CFAP74: variants seen among roughly 807,000 people sequenced by gnomAD.
The protein encoded by CFAP74 is cilia- and flagella-associated protein 74.
Under a neutral mutation model 188.9 loss-of-function variants are expected in CFAP74, and 124 were observed. The observed-to-expected ratio is 0.66, with a 90% CI of 0.57 to 0.76. The LOEUF (loss-of-function observed/expected upper bound fraction) is 0.76, where lower values mean the gene tolerates loss of function less well. Ranked by LOEUF, CFAP74 falls within the 30% of genes least tolerant of loss-of-function variation. CFAP74 has a pLI of 0.00. For missense variants in CFAP74, 2,198 were observed against 2,165.2 expected (o/e 1.02, Z -0.30); for synonymous variants, 956 against 916.7 (o/e 1.04, Z -0.77).
Position 1,940,416 on chromosome 1 carries a change from G to C in CFAP74, c.2616-13C>G. On this transcript the variant is annotated splice_polypyrimidine_tract_variant and intron_variant, in intron 22 of 38. Transcript: ENST00000682832. The stretch of plus-strand genomic sequence containing the variant: ...CGGGAGGGAGTGTCTGAAAGAGGCA[G>C]ACAAGGCGAATGTGCTTTCCTCTTT... 6.6e-7 allele frequency: 1 copy of C among 1,507,118 alleles called. No individual in the cohort carries two copies. The highest frequency in any genetic ancestry group is 8.9e-7 in the Non-Finnish European group (1 of 1,129,196). The allele number at this position is 1,507,118 out of a possible 1,614,324, so 93.4% of individuals were successfully genotyped here.
At chr1:1,936,342 G>A (rs948363264) in intron 25 of CFAP74, among the ~76,000 whole-genome samples, 1 of 150,036 alleles carries the variant, frequency 6.7e-6, no homozygotes, top group African/African-American at 2.5e-5. Context: ...TCAAGAGATC[G>A]AGACCATCCT....
chr1:1,955,318 C>G (rs1380607580), intron 18 of CFAP74: 1 of 1,289,378 alleles, frequency 7.8e-7, no homozygotes, highest in South Asian at 1.2e-5. Flanking sequence ...CCTCTCCCCG[C>G]TGGTGCGCGT....
intron 15 of CFAP74, 23 bp from the exon 16 acceptor site, chr1:1,959,232 C>T (rs557328424): frequency 1.4e-6 from 2 of 1,467,404 alleles, no homozygotes; most frequent in Non-Finnish European, 9.5e-7. Flanking sequence ...ACAACCCCCA[C>T]CACAATACAC....
At position 1,988,567 on chromosome 1, in the gene CFAP74, G is replaced by C. The variant is rs4492554; in HGVS notation, c.241C>G (p.Leu81Val). ...TCATGCATCTTATCCAGGGCGCTCA[G>C]GTTCTGCCGCAGGTGAAATGCCTGC... ...RTQAFHLRQN[L>V]SALDKMHEEQ... The change falls in exon 4 of 39, where the codon CTG (leucine) becomes GTG (valine). Residue 81 changes from leucine (L) to valine (V), a missense_variant. Physicochemically the swap from Leu to Val is conservative, Grantham distance 32 (BLOSUM62 1). Transcript: ENST00000682832. 6.2e-7 allele frequency: 1 copy of C among 1,613,352 alleles called. No individual in the cohort carries two copies. The highest frequency in any genetic ancestry group is 1.3e-5 in the African/African-American group (1 of 74,930).
chr1:1,957,845 C>T (rs756108630), intron 16 of CFAP74, among the ~76,000 whole-genome samples: 7 of 152,156 alleles, frequency 4.6e-5, no homozygotes, highest in Non-Finnish European at 5.9e-5. Context: ...ACCAAGAGCC[C>T]GCACAGCCGA....
In CFAP74 at chr1:1,928,831, G is replaced by A. The variant is rs562881391; in HGVS notation, c.3340C>T (p.Arg1114Cys). ...TTCAGGAGTGGGAGGGCTTCCTGGCGGATCAGCTTCTCGGGCAGCACTGGC... is the reference window on the plus strand; with the variant it reads ...TTCAGGAGTGGGAGGGCTTCCTGGCAGATCAGCTTCTCGGGCAGCACTGGC... ...FRPVLPEKLI[R>C]QEALPLLNKE... is the part of the protein sequence containing the mutation. Residue 1114 changes from arginine to cysteine, a missense_variant, in exon 27 of 39, where the codon CGC becomes TGC. By Grantham distance (180) the Arg-to-Cys change is radical (BLOSUM62 -3). Coordinates refer to ENST00000682832, the MANE Select transcript of CFAP74 (RefSeq NM_001304360.2). The A allele has an allele frequency of 3.7e-5, 57 of 1,535,692 alleles. No homozygotes were observed. In the East Asian group the frequency reaches 7.3e-4, roughly 20 times the overall value.
intron 20 of CFAP74, among the ~76,000 whole-genome samples, chr1:1,945,408 G>T (rs1653682667): frequency 6.6e-6 from 1 of 152,198 alleles, no homozygotes; most frequent in African/African-American, 2.4e-5. Flanking sequence ...TACTGTCCTG[G>T]TGCTGTGAGG....
At chr1:1,971,006 C>G (rs28403174) in intron 9 of CFAP74, among the ~76,000 whole-genome samples, 190 bp from the exon 10 acceptor site, 3 of 144,628 alleles carry the variant, frequency 2.1e-5, no homozygotes, top group East Asian at 2.1e-4. Flanking sequence ...ACACGCACAC[C>G]TGCACATGCA....
intron 20 of CFAP74, 32 bp from the exon 21 acceptor site, chr1:1,944,484 A>G: frequency 2.6e-6 from 4 of 1,532,986 alleles, no homozygotes; most frequent in Non-Finnish European, 3.5e-6. Flanking sequence ...CAGCAACAGG[A>G]GTTCCTTGGG....
chr1:1,946,932 G>T, intron 19 of CFAP74, 58 bp downstream of exon 19: 1 of 1,345,342 alleles, frequency 7.4e-7, no homozygotes, highest in Non-Finnish European at 1.0e-6. Context: ...CTGGGGCTGG[G>T]GGAAGGTGGG....
At chr1:1,937,803 C>G (rs1402196228) in intron 25 of CFAP74, among the ~76,000 whole-genome samples, 1 of 146,414 alleles carries the variant, frequency 6.8e-6, no homozygotes, top group African/African-American at 2.5e-5. Context: ...CAGAGACTGG[C>G]TGGTCGCACA....
At chr1:1,985,524 C>T (rs1458679345) in intron 5 of CFAP74, 34 bp from the exon 6 acceptor site, 11 of 1,558,956 alleles carry the variant, frequency 7.1e-6, no homozygotes, top group Non-Finnish European at 9.7e-6. Context: ...GGGCGTGTGT[C>T]AGGCCTCAGT....
chr1:1,959,770 C>T (rs145473071), intron 15 of CFAP74, among the ~76,000 whole-genome samples, 194 bp downstream of exon 15: 52 of 152,340 alleles, frequency 3.4e-4, no homozygotes, highest in East Asian at 1.9e-3. Context: ...GGAGCTGCGC[C>T]GCGGTTCTGC....
rs1475862923 is a variant in CFAP74, at chr1:1,941,907, T to C, written c.2615+121A>G. On this transcript the variant is annotated intron_variant, in intron 22 of 38. Transcript: ENST00000682832. The stretch of plus-strand genomic sequence containing the variant: ...GTCATGGCCTCTGCCCCAGAACACA[T>C]CCCTGGAGGCTGATGATCCCGGCAG... 1.2e-5 allele frequency: 13 copies of C among 1,105,588 alleles called. No homozygotes were observed. In the African/African-American group the frequency reaches 2.1e-4, roughly 18 times the overall value. 68.5% of individuals were successfully genotyped at this position (1,105,588 alleles called of 1,614,324 possible). A position where few individuals can be genotyped will look rare whatever the true frequency, so the allele number is the denominator to read the frequency against.
chr1:1,972,901 G>A (rs772269212), intron 8 of CFAP74, 36 bp downstream of exon 8: 8 of 1,317,584 alleles, frequency 6.1e-6, no homozygotes, highest in Admixed American at 1.7e-5. Context: ...CCGTATTCTT[G>A]GGTTTCTCCT....
intron 18 of CFAP74, among the ~76,000 whole-genome samples, chr1:1,951,399 T>C (rs566686247): frequency 3.3e-5 from 5 of 152,182 alleles, no homozygotes; most frequent in Admixed American, 6.5e-5. Flanking sequence ...ATGGCCTCAC[T>C]TGTTGAAAAG....
intron 34 of CFAP74, among the ~76,000 whole-genome samples, 175 bp downstream of exon 34, chr1:1,924,216 G>T (rs183037218): frequency 8.6e-4 from 7 of 8,134 alleles, no homozygotes; most frequent in Middle Eastern, 0.026. Context: ...GTGCCCGCCA[G>T]CTCACCGACC....
chr1:1,976,544 CTTATTT>C (rs1177240493), intron 6 of CFAP74, among the ~76,000 whole-genome samples: 1 of 152,040 alleles, frequency 6.6e-6, no homozygotes, highest in Non-Finnish European at 1.5e-5. Flanking sequence ...CTCTTTTCTT[CTTATTT>C]TTATTTCTTT....
At chr1:1,964,662 C>T (rs1326057254) in intron 13 of CFAP74, among the ~76,000 whole-genome samples, 2 of 152,102 alleles carry the variant, frequency 1.3e-5, no homozygotes, top group African/African-American at 2.4e-5. Flanking sequence ...TGGTGGCAGG[C>T]GCCTGTAATC....
Sources: allele counts gnomAD v4.1 joint callset (sites outside exome capture counted in the v4.1 genomes callset), GRCh38; gene constraint gnomAD v4.1.1; transcripts MANE v1.5; gene names NCBI Gene and HGNC (gene_info 2026-07-23, HGNC 2026-07-21).